MDGA2: variants seen among roughly 807,000 people sequenced by gnomAD.
MDGA2 encodes MAM domain-containing glycosylphosphatidylinositol anchor protein 2.
A neutral mutation model predicts 117.8 loss-of-function variants in MDGA2; 40 were observed. The ratio of observed to expected loss-of-function variants is 0.34; its 90% CI spans 0.26 to 0.44. The LOEUF is 0.44. Among genes scored for constraint, MDGA2 ranks in the 20% least tolerant of loss-of-function variants. The pLI, the probability that MDGA2 is intolerant of heterozygous loss-of-function variation, is 1.00. For synonymous variants in MDGA2, 452 were observed against 439.0 expected, an observed-to-expected ratio of 1.03 and a Z score of -0.37; for missense variants, 1,123 against 1,250.6, an observed-to-expected ratio of 0.90 and a Z score of 1.54.
At chr14:47,592,378 TA>T (rs557268495) in intron 1 of MDGA2, among the ~76,000 whole-genome samples, 14 of 148,042 alleles carry the variant, frequency 9.5e-5, no homozygotes, top group South Asian at 4.3e-4. Context: ...CTTTACAGAA[TA>T]AAAAAAAAAC....
chr14:47,143,831 TA>T (rs1043471284), intron 4 of MDGA2, among the ~76,000 whole-genome samples: 66 of 152,000 alleles, frequency 4.3e-4, no homozygotes, highest in African/African-American at 1.4e-3. Context: ...ACTTATAGAT[TA>T]AAAAAAAGTT....
intron 11 of MDGA2, among the ~76,000 whole-genome samples, chr14:46,880,519 C>A (rs187038059): frequency 6.6e-6 from 1 of 151,304 alleles, no homozygotes; most frequent in African/African-American, 2.4e-5. Flanking sequence ...AATAACATAT[C>A]TAGGCTGAGT....
intron 1 of MDGA2, among the ~76,000 whole-genome samples, chr14:47,624,781 A>G (rs1392292616): frequency 6.6e-6 from 1 of 152,208 alleles, no homozygotes; most frequent in East Asian, 1.9e-4. Context: ...TATCTTCTTC[A>G]TAACAAGAAA....
rs968391542 is a variant in MDGA2, at chr14:47,176,932, A to C, written c.596-32658T>G. Among the ~76,000 whole-genome samples the C allele has an allele frequency of 2.0e-5, 3 of 152,304 alleles. No individual in the cohort carries two copies. The East Asian group carries it at 5.8e-4, about 29-fold the overall frequency. On this transcript the variant is annotated intron_variant, in intron 3 of 16. Transcript: ENST00000399232. ...CAAAGGGCTAATGTCCAGAATCTAC[A>C]ATGAACTCAAACAAATTTATAAGAA...
chr14:47,172,693 T>TG lies in MDGA2; in HGVS notation c.596-28420dup, dbSNP rs556546755. On this transcript the variant is annotated intron_variant, in intron 3 of 16. Coordinates refer to ENST00000399232, the MANE Select transcript of MDGA2 (RefSeq NM_001113498.3). Reference sequence around the variant, plus strand: ...CCAAAAGTAGATAAAACCACAAAGATGGGGAAAAAACAGAGCAGAAAAACT... The same window carrying TG: ...CCAAAAGTAGATAAAACCACAAAGATGGGGGAAAAAACAGAGCAGAAAAACT... Among the ~76,000 whole-genome samples, 4 of 151,136 alleles carry TG rather than the reference T, an allele frequency of 2.6e-5. No individual in the cohort carries two copies. The South Asian group carries it at 8.5e-4, about 32-fold the overall frequency.
intron 2 of MDGA2, among the ~76,000 whole-genome samples, chr14:47,236,407 G>A (rs1886865893): frequency 6.6e-6 from 1 of 152,028 alleles, no homozygotes; most frequent in South Asian, 2.1e-4. Context: ...ATGTGTAGGA[G>A]CAGTTGGTGT....
intron 7 of MDGA2, among the ~76,000 whole-genome samples, chr14:47,043,650 A>G (rs1358803985): frequency 1.3e-5 from 2 of 152,088 alleles, no homozygotes; most frequent in East Asian, 3.8e-4. Context: ...CATTTACCAG[A>G]ACAGAAGGTC....
chr14:47,072,681 C>T (rs1890337303), intron 6 of MDGA2, among the ~76,000 whole-genome samples: 3 of 152,096 alleles, frequency 2.0e-5, no homozygotes, highest in Admixed American at 1.3e-4. Flanking sequence ...GTATAGAGTC[C>T]AGCCATCTGC....
intron 1 of MDGA2, among the ~76,000 whole-genome samples, chr14:47,313,943 A>C (rs2139850744): frequency 6.6e-6 from 1 of 152,320 alleles, no homozygotes. Context: ...TAATATTTAT[A>C]TTGGGAGAAA....
intron 8 of MDGA2, among the ~76,000 whole-genome samples, chr14:47,013,784 A>ATATATATATATC (rs1887983985): frequency 1.5e-5 from 2 of 130,128 alleles, no homozygotes; most frequent in Admixed American, 1.5e-4. Context: ...ATATATATAT[A>ATATATATATATC]TATATATATC....
chr14:47,536,986 T>C (rs1453488825), intron 1 of MDGA2, among the ~76,000 whole-genome samples: 6 of 152,058 alleles, frequency 3.9e-5, no homozygotes, highest in African/African-American at 1.2e-4. Context: ...AAAAGTAAAA[T>C]ATGACACTAA....
rs201165778 is a variant in MDGA2, at chr14:47,041,546, A to AT, written c.1526-6243dup. On this transcript the variant is annotated intron_variant, in intron 7 of 16. Coordinates refer to ENST00000399232, the MANE Select transcript of MDGA2 (RefSeq NM_001113498.3). The stretch of plus-strand genomic sequence containing the variant: ...ATATAGTCTATACACAGCCCTTGAT[A>AT]TTTTTTTGCCTGAAATACTACTGCA... Among the ~76,000 whole-genome samples, 25 of 152,020 alleles carry AT rather than the reference A, an allele frequency of 1.6e-4. No individual in the cohort carries two copies. In the South Asian group the frequency reaches 1.7e-3, roughly 10 times the overall value.
chr14:46,992,084 A>G (rs1025711281), intron 8 of MDGA2, among the ~76,000 whole-genome samples: 1 of 152,156 alleles, frequency 6.6e-6, no homozygotes, highest in Non-Finnish European at 1.5e-5. Flanking sequence ...TTCTGTCAAA[A>G]GATCAAAACT....
intron 8 of MDGA2, among the ~76,000 whole-genome samples, chr14:46,967,373 TG>T (rs1886077680): frequency 6.6e-6 from 1 of 152,200 alleles, no homozygotes. Flanking sequence ...GGTTCTTTGT[TG>T]GGATTAAAGT....
At chr14:46,931,367 T>G (rs746169125) in intron 9 of MDGA2, among the ~76,000 whole-genome samples, 1 of 152,054 alleles carries the variant, frequency 6.6e-6, no homozygotes, top group East Asian at 1.9e-4. Context: ...ATTTTTAAAT[T>G]TGTTAATATT....
chr14:47,326,834 A>C (rs574740159), intron 1 of MDGA2, among the ~76,000 whole-genome samples: 2 of 152,282 alleles, frequency 1.3e-5, no homozygotes, highest in South Asian at 4.1e-4. Flanking sequence ...TAAATAATGT[A>C]TTGTTCCTTC....
chr14:46,874,170 T>C lies in MDGA2; in HGVS notation c.2468A>G (p.Asn823Ser), dbSNP rs758257930. ...REFHCGFEDG[N>S]ICLFTQDDTD... The stretch of plus-strand genomic sequence containing the variant: ...ATCATCTTGAGTGAACAAACAAATA[T>C]TACCATCTTCAAATCCACAATGAAA... Residue 823 changes from asparagine to serine, a missense_variant, in exon 13 of 17, where the codon AAT becomes AGT. By Grantham distance (46) the Asn-to-Ser change is conservative. Coordinates refer to ENST00000399232, the MANE Select transcript of MDGA2 (RefSeq NM_001113498.3). 6.8e-7 allele frequency: 1 copy of C among 1,467,134 alleles called. No homozygotes were observed. Among genetic ancestry groups the C allele is most frequent in the Non-Finnish European group, 9.0e-7 (1 of 1,107,684 alleles). The allele number at this position is 1,467,134 out of a possible 1,614,324, so 90.9% of individuals were successfully genotyped here.
At chr14:47,574,279 G>A (rs1466887003) in intron 1 of MDGA2, among the ~76,000 whole-genome samples, 3 of 152,196 alleles carry the variant, frequency 2.0e-5, no homozygotes, top group Non-Finnish European at 1.5e-5. Context: ...ACTCCTTTGC[G>A]GTCTTACTTC....
chr14:47,360,870 T>C (rs1594816519), intron 1 of MDGA2, among the ~76,000 whole-genome samples: 1 of 151,608 alleles, frequency 6.6e-6, no homozygotes, highest in Non-Finnish European at 1.5e-5. Flanking sequence ...GTAAAATAAA[T>C]CAGATACAGA....
Sources: allele counts gnomAD v4.1 joint callset (sites outside exome capture counted in the v4.1 genomes callset), GRCh38; gene constraint gnomAD v4.1.1; transcripts MANE v1.5; gene names NCBI Gene and HGNC (gene_info 2026-07-23, HGNC 2026-07-21).